Variants in SIL1 observed in about 807,000 individuals in gnomAD.
SIL1 encodes SIL1 nucleotide exchange factor.
A neutral mutation model predicts 49.1 loss-of-function variants in SIL1; 40 were observed. That is an observed-to-expected ratio of 0.81 (90% confidence interval 0.63 to 1.06). The LOEUF is 1.06. SIL1 is among the 50% of genes least tolerant of loss of function. The pLI, the probability that SIL1 is intolerant of heterozygous loss-of-function variation, is 0.00. For missense variants in SIL1, 500 were observed against 572.6 expected, an observed-to-expected ratio of 0.87 and a Z score of 1.29; for synonymous variants, 253 against 250.8, an observed-to-expected ratio of 1.01 and a Z score of -0.08.
intron 3 of SIL1, among the ~76,000 whole-genome samples, chr5:139,082,600 G>C (rs1327114575): frequency 6.6e-6 from 1 of 152,172 alleles, no homozygotes; most frequent in East Asian, 1.9e-4. Flanking sequence ...GATTCCCTAA[G>C]GGCTGAACAG....
intron 1 of SIL1, among the ~76,000 whole-genome samples, chr5:139,134,402 T>C (rs147375829): frequency 1.2e-4 from 19 of 152,150 alleles, no homozygotes; most frequent in Non-Finnish European, 1.9e-4. Context: ...TCCCAAAGTG[T>C]TGGGATTACA....
intron 1 of SIL1, among the ~76,000 whole-genome samples, chr5:139,150,186 C>A (rs1390309071): frequency 6.6e-6 from 1 of 152,166 alleles, no homozygotes; most frequent in African/African-American, 2.4e-5. Context: ...CGGATAACTT[C>A]AACAGAAAAG....
chr5:139,120,418 T>C (rs921146657), intron 3 of SIL1, among the ~76,000 whole-genome samples: 1 of 152,204 alleles, frequency 6.6e-6, no homozygotes, highest in Non-Finnish European at 1.5e-5. Flanking sequence ...GTTCCTATTA[T>C]TGTGAAAATT....
intron 5 of SIL1, among the ~76,000 whole-genome samples, chr5:139,027,683 A>G (rs748605687): frequency 6.6e-6 from 1 of 152,220 alleles, no homozygotes. Flanking sequence ...GGTGAATAAA[A>G]GACTTTAATT....
At chr5:138,978,731 C>A (rs1313278819) in intron 7 of SIL1, among the ~76,000 whole-genome samples, 1 of 152,112 alleles carries the variant, frequency 6.6e-6, no homozygotes, top group African/African-American at 2.4e-5. Flanking sequence ...ATACAGTGTT[C>A]TCTCATTGTG....
intron 1 of SIL1, among the ~76,000 whole-genome samples, chr5:139,191,522 G>A (rs1409664147): frequency 6.6e-6 from 1 of 151,790 alleles, no homozygotes; most frequent in Non-Finnish European, 1.5e-5. Context: ...GCTCACACTT[G>A]TAATCCCAGT....
intron 3 of SIL1, among the ~76,000 whole-genome samples, chr5:139,051,924 G>A (rs1486135094): frequency 1.3e-5 from 2 of 152,230 alleles, no homozygotes; most frequent in South Asian, 4.1e-4. Flanking sequence ...TAGGGATGGA[G>A]AATTTCAGGG....
At chr5:139,108,601 A>C (rs991836265) in intron 3 of SIL1, among the ~76,000 whole-genome samples, 3 of 152,238 alleles carry the variant, frequency 2.0e-5, no homozygotes, top group African/African-American at 7.2e-5. Context: ...TTATGACTTT[A>C]GATCACTCAG....
intron 5 of SIL1, among the ~76,000 whole-genome samples, chr5:139,032,110 CTG>C (rs1768806615): frequency 6.6e-6 from 1 of 152,118 alleles, no homozygotes; most frequent in African/African-American, 2.4e-5. Context: ...TTGGCTATGA[CTG>C]TGTTGAATGA....
intron 3 of SIL1, among the ~76,000 whole-genome samples, chr5:139,055,719 T>G (rs956730668): frequency 1.5e-4 from 22 of 143,296 alleles, no homozygotes; most frequent in East Asian, 1.2e-3. Context: ...CTCTGATGCC[T>G]AGCCGAAGCT....
intron 1 of SIL1, among the ~76,000 whole-genome samples, chr5:139,163,954 A>G (rs543469466): frequency 6.6e-6 from 1 of 152,140 alleles, no homozygotes; most frequent in Non-Finnish European, 1.5e-5. Context: ...CCCCGTCTCT[A>G]CTAAAAATAC....
chr5:139,163,444 A>AT, intron 1 of SIL1, among the ~76,000 whole-genome samples: 1 of 151,910 alleles, frequency 6.6e-6, no homozygotes, highest in Non-Finnish European at 1.5e-5. Context: ...ATCTCGTCTC[A>AT]TTGCAACCTC....
At chr5:139,004,738 T>C (rs1285051003) in intron 7 of SIL1, among the ~76,000 whole-genome samples, 1 of 152,074 alleles carries the variant, frequency 6.6e-6, no homozygotes, top group African/African-American at 2.4e-5. Context: ...ATAAAGAAAA[T>C]GTGATGTACA....
chr5:139,174,968 A>T (rs527791353), intron 1 of SIL1, among the ~76,000 whole-genome samples: 91 of 151,046 alleles, frequency 6.0e-4, no homozygotes, highest in African/African-American at 2.0e-3. Flanking sequence ...AAAGAATAAA[A>T]GAAAAAAATA....
chr5:139,071,442 A>G (rs1216795754), intron 3 of SIL1, among the ~76,000 whole-genome samples: 1 of 152,144 alleles, frequency 6.6e-6, no homozygotes, highest in East Asian at 1.9e-4. Flanking sequence ...GCAAAGTTCT[A>G]TTTCCTGACT....
At chr5:139,067,428 C>G (rs151150697) in intron 3 of SIL1, among the ~76,000 whole-genome samples, 1,793 of 152,232 alleles carry the variant, frequency 0.012, 35 homozygotes, top group African/African-American at 0.04. Context: ...ATTTGATGAA[C>G]TATTGGTCAT....
Position 138,947,414 on chromosome 5 carries a change from C to T in SIL1, c.1089G>A (p.Gln363=), listed in dbSNP as rs1766659608. 6.2e-7 allele frequency: 1 copy of T among 1,613,658 alleles called. No homozygotes were observed. The highest frequency in any genetic ancestry group is 8.5e-7 in the Non-Finnish European group (1 of 1,180,038). Residue 363 remains glutamine (Q), a synonymous_variant, in exon 10 of 10, where the codon CAG becomes CAA. Coordinates refer to ENST00000394817, the MANE Select transcript of SIL1 (RefSeq NM_022464.5). This position sits in a 1 kb window ranked among gnomAD's most constrained non-coding sequence, Gnocchi z 4.1. ...TQEMSPEKLQ[Q]YRQVHLLPGL... is the part of the protein sequence containing the mutation. ...CTGGCAGGAGGTGTACCTGGCGATA[C>T]TGCTGCAGCTTCTCTGGGGACATCT...
intron 1 of SIL1, among the ~76,000 whole-genome samples, chr5:139,170,182 AGG>A (rs1264966620): frequency 2.0e-5 from 3 of 152,204 alleles, no homozygotes; most frequent in Admixed American, 2.0e-4. Flanking sequence ...AATGGTGCCC[AGG>A]CTGGAGTGCA....
chr5:138,993,694 C>T (rs1767804072), intron 7 of SIL1, among the ~76,000 whole-genome samples: 1 of 152,214 alleles, frequency 6.6e-6, no homozygotes. Flanking sequence ...GAACTGAGGG[C>T]AGCCTCCCAC....
Sources: allele counts gnomAD v4.1 joint callset (sites outside exome capture counted in the v4.1 genomes callset), GRCh38; gene constraint gnomAD v4.1.1; non-coding constraint Gnocchi (gnomAD v3.1); transcripts MANE v1.5; gene names NCBI Gene and HGNC (gene_info 2026-07-23, HGNC 2026-07-21).